INTS4: variants seen among roughly 807,000 people sequenced by gnomAD.
INTS4 encodes the protein MSTP093.
A neutral mutation model predicts 119.5 loss-of-function variants in INTS4; 70 were observed. The observed-to-expected ratio is 0.59, with a 90% confidence interval of 0.48 to 0.71. The LOEUF is 0.71. Among genes scored for constraint, INTS4 ranks in the 30% least tolerant of loss-of-function variants. INTS4 has a pLI of 0.00. For synonymous variants in INTS4, 316 were observed against 419.6 expected (o/e 0.75, Z 3.02); for missense variants, 867 against 1,173.2 (o/e 0.74, Z 3.81).
At chr11:77,970,707 T>C (rs745681708) in intron 4 of INTS4, among the ~76,000 whole-genome samples, 4 of 150,450 alleles carry the variant, frequency 2.7e-5, no homozygotes, top group Non-Finnish European at 4.4e-5. Flanking sequence ...CATGCACCTA[T>C]AGTCCCAGCT....
intron 18 of INTS4, among the ~76,000 whole-genome samples, chr11:77,900,341 T>C (rs547637723): frequency 6.0e-4 from 91 of 152,246 alleles, no homozygotes; most frequent in African/African-American, 5.3e-4. Flanking sequence ...CCTCGTGATC[T>C]GCCCACCTTG....
chr11:77,907,626 A>G, intron 16 of INTS4, 91 bp downstream of exon 16: 1 of 862,554 alleles, frequency 1.2e-6, no homozygotes, highest in Non-Finnish European at 1.9e-6. Context: ...TTAAGACCAT[A>G]AGTTTTATAA....
chr11:77,974,786 A>G (rs1284411502), intron 4 of INTS4, among the ~76,000 whole-genome samples: 2 of 151,798 alleles, frequency 1.3e-5, no homozygotes, highest in African/African-American at 4.8e-5. Flanking sequence ...TTTTATGTAG[A>G]TATGGGGTCT....
rs541399856 is a variant in INTS4, at chr11:77,960,971, T to C, written c.639A>G (p.Thr213=). 3.1e-6 allele frequency: 5 copies of C among 1,605,136 alleles called. No homozygotes were observed. In the South Asian group the frequency reaches 5.6e-5, roughly 18 times the overall value. The part of the protein sequence containing the change: ...YFSDQDPRVR[T]AAIKAMLQLH... ...CATTTACCATGGCTTTTATAGCTGC[T>C]GTTCTGACACGTGGGTCTTGGTCAC... The change falls in exon 5 of 23, where the codon ACA becomes ACG. Residue 213 remains threonine (T), a synonymous_variant. Transcript: ENST00000534064.
chr11:77,955,277 C>T (rs563487426), intron 8 of INTS4, among the ~76,000 whole-genome samples: 3 of 152,294 alleles, frequency 2.0e-5, no homozygotes, highest in African/African-American at 7.2e-5. Context: ...GTCAAGGCTG[C>T]AGTGAGCCGT....
chr11:77,892,084 T>C (rs528252137), intron 19 of INTS4, among the ~76,000 whole-genome samples: 1 of 152,348 alleles, frequency 6.6e-6, no homozygotes, highest in Admixed American at 6.5e-5. Flanking sequence ...TACATGATCT[T>C]ATTTAACTTC....
chr11:77,935,316 G>A (rs1228569987), intron 10 of INTS4, among the ~76,000 whole-genome samples: 2 of 152,344 alleles, frequency 1.3e-5, no homozygotes, highest in East Asian at 3.9e-4. Context: ...ATTCTGTTTA[G>A]AGAGACTCCA....
At chr11:77,896,138 T>G (rs1952507075) in intron 18 of INTS4, among the ~76,000 whole-genome samples, 1 of 151,856 alleles carries the variant, frequency 6.6e-6, no homozygotes, top group East Asian at 1.9e-4. Flanking sequence ...CGGTGAGAGT[T>G]AACAGGGGAT....
intron 8 of INTS4, among the ~76,000 whole-genome samples, chr11:77,941,936 A>G (rs1591085230): frequency 6.6e-6 from 1 of 152,252 alleles, no homozygotes; most frequent in Admixed American, 6.5e-5. Context: ...AAAAGATTAA[A>G]TAACATATTG....
downstream of INTS4, among the ~76,000 whole-genome samples, chr11:77,878,103 T>C (rs185892813): frequency 5.4e-4 from 82 of 152,200 alleles, no homozygotes; most frequent in African/African-American, 9.9e-4. Flanking sequence ...TTGCTCACAC[T>C]TGTAATCCCA....
chr11:77,953,189 C>G (rs573778470), intron 8 of INTS4, among the ~76,000 whole-genome samples: 73 of 152,286 alleles, frequency 4.8e-4, no homozygotes, highest in Non-Finnish European at 1.0e-3. Flanking sequence ...GTGTCCAGTA[C>G]AGTCAGAAAC....
chr11:77,911,060 G>A (rs1259824413), intron 15 of INTS4: 13 of 1,288,458 alleles, frequency 1.0e-5, no homozygotes, highest in South Asian at 1.2e-5. Flanking sequence ...CCGTCCACTG[G>A]ACTATGACAC....
At chr11:77,963,933 A>G (rs780046848) in intron 4 of INTS4, among the ~76,000 whole-genome samples, 3 of 152,168 alleles carry the variant, frequency 2.0e-5, no homozygotes, top group Non-Finnish European at 2.9e-5. Context: ...GATCCTTGAT[A>G]TGAATAGTTT....
At chr11:77,950,844 G>A (rs1263072604) in intron 8 of INTS4, among the ~76,000 whole-genome samples, 2 of 151,650 alleles carry the variant, frequency 1.3e-5, no homozygotes, top group Admixed American at 6.6e-5. Flanking sequence ...TTAACATTAG[G>A]TATATCTCCT....
At chr11:77,948,500 T>A (rs1328630951) in intron 8 of INTS4, among the ~76,000 whole-genome samples, 1 of 151,354 alleles carries the variant, frequency 6.6e-6, no homozygotes, top group Non-Finnish European at 1.5e-5. Context: ...GCAAAAAAAT[T>A]AGTTGGGCAT....
chr11:77,899,399 C>A (rs1258289188), intron 18 of INTS4, among the ~76,000 whole-genome samples: 1 of 151,914 alleles, frequency 6.6e-6, no homozygotes, highest in Non-Finnish European at 1.5e-5. Context: ...AGGCTGGGCT[C>A]GGTGGCTCAC....
At chr11:77,935,320 G>A (rs962280046) in intron 10 of INTS4, among the ~76,000 whole-genome samples, 5 of 152,216 alleles carry the variant, frequency 3.3e-5, no homozygotes, top group African/African-American at 9.6e-5. Flanking sequence ...TGTTTAGAGA[G>A]ACTCCAGGCA....
At chr11:77,898,608 A>G (rs978132670) in intron 18 of INTS4, among the ~76,000 whole-genome samples, 2 of 152,236 alleles carry the variant, frequency 1.3e-5, no homozygotes, top group South Asian at 2.1e-4. Context: ...GCTGATAAAT[A>G]TAAGTTCAAT....
At chr11:77,951,286 G>C (rs1333349773) in intron 8 of INTS4, among the ~76,000 whole-genome samples, 1 of 152,106 alleles carries the variant, frequency 6.6e-6, no homozygotes, top group African/African-American at 2.4e-5. Context: ...CAAGATCCCT[G>C]AGGAATCGCT....
Sources: allele counts gnomAD v4.1 joint callset (sites outside exome capture counted in the v4.1 genomes callset), GRCh38; gene constraint gnomAD v4.1.1; transcripts MANE v1.5; gene names NCBI Gene and HGNC (gene_info 2026-07-23, HGNC 2026-07-21).